Variants in DNM2 observed in about 807,000 individuals in gnomAD.
DNM2 encodes dynamin 2, also known as dynamin-2.
In DNM2, 15 loss-of-function variants were observed where a neutral mutation model predicts 99.0. That is an observed-to-expected ratio of 0.15 (90% CI 0.10 to 0.23). The LOEUF (loss-of-function observed/expected upper bound fraction) is 0.23, where lower values mean the gene tolerates loss of function less well. Ranked by LOEUF, DNM2 falls within the 10% of genes least tolerant of loss-of-function variation. The pLI, the probability that DNM2 is intolerant of heterozygous loss-of-function variation, is 1.00. For synonymous variants in DNM2, 525 were observed against 481.2 expected, an observed-to-expected ratio of 1.09 and a Z score of -1.19; for missense variants, 742 against 1,189.4, an observed-to-expected ratio of 0.62 and a Z score of 5.53.
At chr19:10,804,075 C>T (rs1472587363) in intron 12 of DNM2, among the ~76,000 whole-genome samples, 4 of 152,134 alleles carry the variant, frequency 2.6e-5, no homozygotes, top group East Asian at 1.9e-4. Context: ...GTAAGAGAGC[C>T]AGCGGCCAGG....
chr19:10,793,837 C>T lies in DNM2; in HGVS notation c.1110C>T (p.Phe370=), dbSNP rs201700534. Residue 370 remains phenylalanine (F), a synonymous_variant, in exon 8 of 21, where the codon TTC becomes TTT. Coordinates refer to ENST00000389253, the MANE Select transcript of DNM2 (RefSeq NM_001005361.3). Reference sequence around the variant, plus strand: ...TCAATCGCATCTTCCACGAGCGGTTCCCATTTGAGCTGGTGAAGGTAGTGC... The same window carrying T: ...TCAATCGCATCTTCCACGAGCGGTTTCCATTTGAGCTGGTGAAGGTAGTGC... The part of the protein sequence containing the change: ...ARINRIFHER[F]PFELVKMEFD... The T allele has an allele frequency of 1.9e-6, 3 of 1,614,152 alleles. No individual in the cohort carries two copies. The South Asian group carries it at 3.3e-5, about 18-fold the overall frequency.
chr19:10,827,222 G>A (rs1331638369), intron 18 of DNM2, among the ~76,000 whole-genome samples: 5 of 152,022 alleles, frequency 3.3e-5, no homozygotes, highest in Non-Finnish European at 5.9e-5. Context: ...AGACATATAC[G>A]GTTCTTCTGC....
chr19:10,784,819 A>ATTTTTTTTTTT (rs35575438), intron 6 of DNM2, among the ~76,000 whole-genome samples: 1 of 99,462 alleles, frequency 1.0e-5, no homozygotes, highest in African/African-American at 4.1e-5. Context: ...TTTTTTGATG[A>ATTTTTTTTTTT]TTTTTTTTTT....
Position 10,830,090 on chromosome 19 carries a change from T to C in DNM2, c.2292-37T>C, listed in dbSNP as rs2073284203. ...TGGCATGGCGGGGGCTCCTACTCCA[T>C]CTGTATCTGTAGCTCACACCCTCTC... is the stretch of plus-strand genomic sequence containing the variant. On this transcript the variant is annotated intron_variant, in intron 19 of 20. Coordinates refer to ENST00000389253, the MANE Select transcript of DNM2 (RefSeq NM_001005361.3). This position sits in a 1 kb window ranked among gnomAD's most constrained non-coding sequence, Gnocchi z 4.8. The C allele has an allele frequency of 6.2e-7, 1 of 1,613,608 alleles. No homozygotes were observed. The highest frequency in any genetic ancestry group is 1.3e-5 in the African/African-American group (1 of 74,952).
chr19:10,813,824 T>TC (rs2072637080), intron 15 of DNM2, among the ~76,000 whole-genome samples: 1 of 107,452 alleles, frequency 9.3e-6, no homozygotes, highest in Non-Finnish European at 2.0e-5. Flanking sequence ...AGACACTGTC[T>TC]CAAAAAAAAA....
intron 15 of DNM2, among the ~76,000 whole-genome samples, chr19:10,815,617 A>T (rs1568316143): frequency 6.6e-6 from 1 of 152,098 alleles, no homozygotes; most frequent in East Asian, 1.9e-4. Context: ...CCCAGTGCAC[A>T]GAGGAGGAGC....
intron 1 of DNM2, among the ~76,000 whole-genome samples, chr19:10,724,101 C>T (rs1243668420): frequency 8.5e-6 from 1 of 117,930 alleles, no homozygotes. Flanking sequence ...AAAAAAAAGG[C>T]GATAAGTATG....
intron 17 of DNM2, chr19:10,824,821 C>CA: frequency 5.1e-6 from 3 of 588,730 alleles, no homozygotes; most frequent in Non-Finnish European, 8.9e-6. Context: ...AAAAACAAAA[C>CA]AAAAAAACAA....
chr19:10,748,486 G>A (rs544893227), intron 1 of DNM2, among the ~76,000 whole-genome samples: 1 of 152,322 alleles, frequency 6.6e-6, no homozygotes, highest in East Asian at 1.9e-4. Context: ...TGTGGGCCGA[G>A]CACTGTAAGG....
intron 1 of DNM2, among the ~76,000 whole-genome samples, chr19:10,757,943 CAAAA>C (rs762600168): frequency 3.1e-5 from 2 of 65,434 alleles, no homozygotes; most frequent in South Asian, 5.5e-4. Flanking sequence ...AGCTCTGTCT[CAAAA>C]AAAAAAAAAA....
chr19:10,751,432 G>A (rs982878562), intron 1 of DNM2, among the ~76,000 whole-genome samples: 1 of 152,148 alleles, frequency 6.6e-6, no homozygotes, highest in Non-Finnish European at 1.5e-5. Context: ...GACGGAGGCT[G>A]GAAAGTCACT....
chr19:10,829,382 AG>A, intron 19 of DNM2, 114 bp downstream of exon 19: 6 of 1,341,270 alleles, frequency 4.5e-6, no homozygotes, highest in African/African-American at 2.9e-5. Context: ...GGTGGCACCC[AG>A]GGCTGGGCAC....
At chr19:10,805,827 C>T (rs1383806291) in intron 12 of DNM2, 89 bp from the exon 13 acceptor site, 2 of 1,563,800 alleles carry the variant, frequency 1.3e-6, no homozygotes, top group East Asian at 2.3e-5. Flanking sequence ...TCACTTGGTC[C>T]CCAGGGAGAG....
At chr19:10,814,455 A>G (rs750993247) in intron 15 of DNM2, among the ~76,000 whole-genome samples, 6 of 151,690 alleles carry the variant, frequency 4.0e-5, no homozygotes, top group Non-Finnish European at 5.9e-5. Context: ...CAAGAGTGAA[A>G]GTGTGTCTCA....
intron 1 of DNM2, among the ~76,000 whole-genome samples, chr19:10,741,028 CAT>C (rs1187170042): frequency 6.6e-6 from 1 of 152,100 alleles, no homozygotes; most frequent in Non-Finnish European, 1.5e-5. Flanking sequence ...TCCATATGCA[CAT>C]GATAAGAATG....
rs1286665971 is a variant in DNM2 at position 10,818,494 on chromosome 19, GC to G, written c.1672-1484del. On this transcript the variant is annotated intron_variant, in intron 15 of 20. Coordinates refer to ENST00000389253, the MANE Select transcript of DNM2 (RefSeq NM_001005361.3). This position sits in a 1 kb window ranked among gnomAD's most constrained non-coding sequence, Gnocchi z 4.3. ...GAAGTGGCTTGCCCGAGGGCACACGGCCAGGAAAGGGCAGGGCTGGCATCAC... is the reference window on the plus strand; with the variant it reads ...GAAGTGGCTTGCCCGAGGGCACACGGCAGGAAAGGGCAGGGCTGGCATCAC... 5.3e-5 allele frequency among the ~76,000 whole-genome samples: 8 copies of G among 152,332 alleles called. No individual in the cohort carries two copies. The highest frequency in any genetic ancestry group is 1.9e-4 in the African/African-American group (8 of 41,576).
At position 10,816,031 on chromosome 19, in the gene DNM2, A is replaced by C. The variant is rs1213920924; in HGVS notation, c.1671+3654A>C. On this transcript the variant is annotated intron_variant, in intron 15 of 20. Transcript: ENST00000389253. This position sits in a 1 kb window ranked among gnomAD's most constrained non-coding sequence, Gnocchi z 4.6. ...GGAGAACCCTACTCCCCGTGAGGAAACCCTCACGCTTGCTATTCGGGTGGC... is the reference window on the plus strand; with the variant it reads ...GGAGAACCCTACTCCCCGTGAGGAACCCCTCACGCTTGCTATTCGGGTGGC... Among the ~76,000 whole-genome samples, 1 of 151,898 alleles carries C rather than the reference A, an allele frequency of 6.6e-6. No individual in the cohort carries two copies.
chr19:10,797,850 C>T (rs1165293682), intron 10 of DNM2, among the ~76,000 whole-genome samples: 1 of 152,176 alleles, frequency 6.6e-6, no homozygotes, highest in Non-Finnish European at 1.5e-5. Context: ...ATCTGTATAG[C>T]CCTGCATGTT....
chr19:10,718,874 C>T (rs902355735), intron 1 of DNM2, among the ~76,000 whole-genome samples: 1 of 152,182 alleles, frequency 6.6e-6, no homozygotes. Context: ...CTGTCCTGGG[C>T]AAGCCTCCCT....
Sources: gnomAD v4.1 joint callset for allele counts (sites outside exome capture counted in the v4.1 genomes callset) on GRCh38, gnomAD v4.1.1 for gene constraint, Gnocchi (gnomAD v3.1) non-coding constraint, MANE v1.5 for transcripts, NCBI Gene and HGNC (gene_info 2026-07-23, HGNC 2026-07-21) for gene names.